GRIK2: variants seen among roughly 807,000 people sequenced by gnomAD.
The protein encoded by GRIK2 is glutamate ionotropic receptor kainate type subunit 2.
Under a neutral mutation model 100.3 loss-of-function variants are expected in GRIK2, and 32 were observed. The ratio of observed to expected loss-of-function variants is 0.32; its 90% CI spans 0.24 to 0.43. GRIK2 has a LOEUF of 0.43. Among genes scored for constraint, GRIK2 ranks in the 20% least tolerant of loss-of-function variants. The pLI is 1.00. For missense variants in GRIK2, 843 were observed against 1,114.9 expected (o/e 0.76, Z 3.47); for synonymous variants, 417 against 389.4 (o/e 1.07, Z -0.83).
chr6:102,047,546 G>A (rs1290406896), intron 15 of GRIK2, among the ~76,000 whole-genome samples: 3 of 151,782 alleles, frequency 2.0e-5, no homozygotes, highest in Non-Finnish European at 2.9e-5. Flanking sequence ...TCAGGAGTTC[G>A]AGACCAGCCT....
At chr6:101,885,466 G>A (rs1417182) in intron 11 of GRIK2, among the ~76,000 whole-genome samples, 60,281 of 151,796 alleles carry the variant, frequency 0.4, 13,380 homozygotes, top group Middle Eastern at 0.59. Flanking sequence ...CTCAGGTTTC[G>A]GGTTAGCTAT....
chr6:101,486,533 T>A (rs1772843093), intron 2 of GRIK2, among the ~76,000 whole-genome samples: 3 of 152,124 alleles, frequency 2.0e-5, no homozygotes, highest in Admixed American at 2.0e-4. Flanking sequence ...TATTTGTGTT[T>A]ACTTTAAGCA....
intron 4 of GRIK2, among the ~76,000 whole-genome samples, chr6:101,656,434 T>TAA (rs143875652): frequency 2.7e-4 from 41 of 151,814 alleles, no homozygotes; most frequent in African/African-American, 5.1e-4. Context: ...GTTTAGAAAT[T>TAA]AAAAAAAATG....
chr6:101,558,602 A>G (rs960466178), intron 2 of GRIK2, among the ~76,000 whole-genome samples: 1 of 151,618 alleles, frequency 6.6e-6, no homozygotes, highest in African/African-American at 2.4e-5. Flanking sequence ...GAATTTGGAA[A>G]TAGTTTAGGG....
At chr6:101,457,219 A>C (rs1185710721) in intron 2 of GRIK2, among the ~76,000 whole-genome samples, 1 of 152,156 alleles carries the variant, frequency 6.6e-6, no homozygotes, top group African/African-American at 2.4e-5. Flanking sequence ...TGTGTACATA[A>C]TTTTAATATC....
intron 2 of GRIK2, among the ~76,000 whole-genome samples, chr6:101,545,236 G>A (rs867744797): frequency 4.6e-5 from 7 of 152,178 alleles, no homozygotes; most frequent in African/African-American, 7.2e-5. Context: ...GACTGCTTAA[G>A]TAGATGAGTG....
intron 10 of GRIK2, among the ~76,000 whole-genome samples, chr6:101,842,258 G>A (rs1475800170): frequency 6.6e-6 from 1 of 151,896 alleles, no homozygotes; most frequent in East Asian, 1.9e-4. Context: ...GCCATGTGTT[G>A]GTGAACTTCT....
At chr6:101,706,433 A>C (rs897581965) in intron 7 of GRIK2, among the ~76,000 whole-genome samples, 1 of 151,846 alleles carries the variant, frequency 6.6e-6, no homozygotes, top group African/African-American at 2.4e-5. Context: ...GCAAACATTG[A>C]TGGCTTTTTA....
intron 14 of GRIK2, among the ~76,000 whole-genome samples, chr6:102,017,506 G>C (rs1005054969): frequency 6.6e-6 from 1 of 151,998 alleles, no homozygotes. Context: ...TGTTTGGTTT[G>C]GTTTGTTATC....
chr6:101,597,984 A>C (rs965166968), intron 2 of GRIK2, among the ~76,000 whole-genome samples: 1 of 151,680 alleles, frequency 6.6e-6, no homozygotes, highest in Non-Finnish European at 1.5e-5. Flanking sequence ...AAATATGAAC[A>C]AAATCTCTAG....
rs369948616 is a variant in GRIK2 at position 101,772,535 on chromosome 6, A to C, written c.952-27113A>C. Among the ~76,000 whole-genome samples, 16 of 152,182 alleles carry C rather than the reference A, an allele frequency of 1.1e-4. No homozygotes were observed. The East Asian group carries it at 3.1e-3, about 30-fold the overall frequency. On this transcript the variant is annotated intron_variant, in intron 7 of 16. Coordinates refer to ENST00000369134, the MANE Select transcript of GRIK2 (RefSeq NM_021956.5). ...TCTAAGATGAAGTAAGAATAAACTT[A>C]AATAAATCCTTTAATGTTTATCCTC...
chr6:101,615,301 C>A (rs1554228978), intron 2 of GRIK2, among the ~76,000 whole-genome samples: 1 of 151,630 alleles, frequency 6.6e-6, no homozygotes, highest in African/African-American at 2.4e-5. Context: ...AATGATAAAG[C>A]TGTGAGAATG....
intron 14 of GRIK2, among the ~76,000 whole-genome samples, chr6:101,939,394 T>A (rs998884766): frequency 6.6e-6 from 1 of 152,092 alleles, no homozygotes; most frequent in African/African-American, 2.4e-5. Flanking sequence ...TGTGAGGAGC[T>A]TAAATGTTGA....
chr6:101,486,221 T>C (rs1420045022), intron 2 of GRIK2, among the ~76,000 whole-genome samples: 1 of 151,910 alleles, frequency 6.6e-6, no homozygotes, highest in African/African-American at 2.4e-5. Context: ...GTGGGAGAAG[T>C]GATATCTCCA....
chr6:101,620,144 A>T (rs1780082460), intron 2 of GRIK2: 2 of 348,916 alleles, frequency 5.7e-6, no homozygotes, highest in Non-Finnish European at 8.1e-6. Flanking sequence ...AATTATACAG[A>T]TAGCAATTGG....
At chr6:101,644,673 A>G (rs191372123) in intron 4 of GRIK2, among the ~76,000 whole-genome samples, 59 of 151,974 alleles carry the variant, frequency 3.9e-4, no homozygotes, top group African/African-American at 1.2e-3. Context: ...AAAAAGTGAT[A>G]TAATGAATTT....
At chr6:101,670,174 C>A (rs1156672342) in intron 4 of GRIK2, among the ~76,000 whole-genome samples, 1 of 151,738 alleles carries the variant, frequency 6.6e-6, no homozygotes, top group Admixed American at 6.6e-5. Flanking sequence ...GTATCTCATG[C>A]AGTTGAAGAC....
At chr6:102,035,808 G>A (rs1402190045) in intron 15 of GRIK2, among the ~76,000 whole-genome samples, 2 of 151,342 alleles carry the variant, frequency 1.3e-5, no homozygotes, top group Admixed American at 1.3e-4. Flanking sequence ...CTGTATCAGT[G>A]TTGAAAAACA....
intron 2 of GRIK2, 96 bp downstream of exon 2, chr6:101,399,488 A>T (rs1775158469): frequency 2.7e-6 from 2 of 748,918 alleles, no homozygotes; most frequent in Non-Finnish European, 5.0e-6. Flanking sequence ...GGCTCCGTGG[A>T]TTCTGATCTG....
Sources: allele counts gnomAD v4.1 joint callset (sites outside exome capture counted in the v4.1 genomes callset), GRCh38; gene constraint gnomAD v4.1.1; transcripts MANE v1.5; gene names NCBI Gene and HGNC (gene_info 2026-07-23, HGNC 2026-07-21).